Variants in HDAC9 observed in about 807,000 individuals in gnomAD.
HDAC9 encodes the protein histone deacetylase 9.
In HDAC9, 41 loss-of-function variants were observed where a neutral mutation model predicts 139.4. The observed-to-expected ratio is 0.29, with a 90% confidence interval of 0.23 to 0.38. The LOEUF (loss-of-function observed/expected upper bound fraction) is 0.38, where lower values mean the gene tolerates loss of function less well. Ranked by LOEUF, HDAC9 falls within the 10% of genes least tolerant of loss-of-function variation. The probability of loss-of-function intolerance (pLI) is 1.00; values close to 1 mark genes in which losing one functional copy is unlikely to be tolerated. For missense variants in HDAC9, 1,147 were observed against 1,297.0 expected, an observed-to-expected ratio of 0.88 and a Z score of 1.78; for synonymous variants, 517 against 476.2, an observed-to-expected ratio of 1.09 and a Z score of -1.12.
rs1234403268 is a variant in HDAC9, at chr7:18,784,047, G to A, written c.2215-9298G>A. 4.6e-5 allele frequency among the ~76,000 whole-genome samples: 7 copies of A among 151,742 alleles called. No homozygotes were observed. In the South Asian group the frequency reaches 8.3e-4, roughly 18 times the overall value. Reference sequence around the variant, plus strand: ...TGTCTATGTCCCCATTGTGGCTTTCGGTGTCATTTGAACACGTGGCTACTT... The same window carrying A: ...TGTCTATGTCCCCATTGTGGCTTTCAGTGTCATTTGAACACGTGGCTACTT... On this transcript the variant is annotated intron_variant, in intron 16 of 25. Transcript: ENST00000686413.
chr7:18,846,815 A>G lies in HDAC9; in HGVS notation c.2684+10818A>G, dbSNP rs13228580. On this transcript the variant is annotated intron_variant, in intron 21 of 25. Transcript: ENST00000686413. ...CATTGGCTGACTAGAGGCTTTCTCA[A>G]ACAACCACACAAATGCACTGAATAG... is the stretch of plus-strand genomic sequence containing the variant. Among the ~76,000 whole-genome samples, 485 of 152,298 alleles carry G rather than the reference A, an allele frequency of 3.2e-3. 5 individuals are homozygous for G. The highest frequency in any genetic ancestry group is 5.1e-3 in the Non-Finnish European group (350 of 68,020).
intron 2 of HDAC9, among the ~76,000 whole-genome samples, chr7:18,518,951 C>G (rs528135391): frequency 1.6e-4 from 24 of 152,056 alleles, no homozygotes; most frequent in Non-Finnish European, 3.4e-4. Flanking sequence ...GTCGTTTGCC[C>G]CTTGAAGCTA....
intron 21 of HDAC9, among the ~76,000 whole-genome samples, chr7:18,859,852 A>ATGTGTGTGTGTGTGTGTGTGTG (rs1411117103): frequency 8.0e-6 from 1 of 124,720 alleles, no homozygotes; most frequent in Non-Finnish European, 1.7e-5. Flanking sequence ...ATATATATAT[A>ATGTGTGTGTGTGTGTGTGTGTG]TATATATGTG....
chr7:18,131,409 T>C (rs921216848), intron 1 of HDAC9, among the ~76,000 whole-genome samples: 2 of 152,188 alleles, frequency 1.3e-5, no homozygotes, highest in African/African-American at 4.8e-5. Context: ...AAAGAACGAG[T>C]TTAGTAGCAC....
intron 1 of HDAC9, among the ~76,000 whole-genome samples, chr7:18,133,177 C>T (rs890916446): frequency 1.1e-4 from 16 of 152,110 alleles, no homozygotes; most frequent in African/African-American, 3.6e-4. Flanking sequence ...CACAAAAACA[C>T]AGAAATATGA....
intron 1 of HDAC9, among the ~76,000 whole-genome samples, chr7:18,342,466 G>A (rs1782090159): frequency 1.3e-5 from 2 of 151,754 alleles, no homozygotes; most frequent in South Asian, 4.1e-4. Flanking sequence ...AATTATTTCA[G>A]GTGGGATAGT....
intron 16 of HDAC9, among the ~76,000 whole-genome samples, chr7:18,784,421 C>T (rs2129172783): frequency 6.6e-6 from 1 of 151,764 alleles, no homozygotes; most frequent in East Asian, 1.9e-4. Flanking sequence ...TTAATTTATT[C>T]CTGATTCAAA....
At chr7:18,298,309 A>G (rs1442624552) in intron 1 of HDAC9, among the ~76,000 whole-genome samples, 1 of 150,564 alleles carries the variant, frequency 6.6e-6, no homozygotes, top group South Asian at 2.1e-4. Context: ...ATTATACTTT[A>G]AGTTTTAGGG....
intron 22 of HDAC9, among the ~76,000 whole-genome samples, chr7:18,877,744 C>G (rs1393228357): frequency 1.3e-5 from 2 of 152,020 alleles, no homozygotes; most frequent in Non-Finnish European, 2.9e-5. Context: ...GTGTAATCAC[C>G]AATATCTCAG....
intron 2 of HDAC9, among the ~76,000 whole-genome samples, chr7:18,273,381 A>G (rs1308506835): frequency 2.0e-5 from 3 of 152,016 alleles, no homozygotes; most frequent in Non-Finnish European, 4.4e-5. Flanking sequence ...GACTTCTTAT[A>G]AAGCCATAAG....
intron 16 of HDAC9, among the ~76,000 whole-genome samples, chr7:18,789,183 C>T (rs1350112319): frequency 6.6e-6 from 1 of 151,830 alleles, no homozygotes; most frequent in African/African-American, 2.4e-5. Flanking sequence ...GAAGCAAAAT[C>T]CTGTTTTGGT....
chr7:18,802,800 G>A (rs1348711010), intron 17 of HDAC9, among the ~76,000 whole-genome samples: 1 of 151,258 alleles, frequency 6.6e-6, no homozygotes, highest in Non-Finnish European at 1.5e-5. Context: ...TATTAATATA[G>A]CAAAAACAGC....
At position 18,738,242 on chromosome 7, in the gene HDAC9, G is replaced by A. The variant is rs555232724; in HGVS notation, c.1909+10485G>A. On this transcript the variant is annotated intron_variant, in intron 13 of 25. Coordinates refer to ENST00000686413, the MANE Select transcript of HDAC9 (RefSeq NM_178425.4). ...TGCCAGTCTGTGTCTTTTAATTGGGGCAGTTAGCCCATTTAAATTTAAGGT... is the reference window on the plus strand; with the variant it reads ...TGCCAGTCTGTGTCTTTTAATTGGGACAGTTAGCCCATTTAAATTTAAGGT... Among the ~76,000 whole-genome samples the A allele has an allele frequency of 3.3e-5, 5 of 152,222 alleles. No individual in the cohort carries two copies. The East Asian group carries it at 7.7e-4, about 24-fold the overall frequency.
intron 6 of HDAC9, among the ~76,000 whole-genome samples, 176 bp downstream of exon 6, chr7:18,594,205 G>C (rs1195315128): frequency 6.6e-6 from 1 of 151,954 alleles, no homozygotes; most frequent in Non-Finnish European, 1.5e-5. Context: ...TTCTGCATCA[G>C]TTGATTCATG....
At chr7:18,442,093 T>G (rs1230904908) in intron 1 of HDAC9, among the ~76,000 whole-genome samples, 1 of 152,010 alleles carries the variant, frequency 6.6e-6, no homozygotes, top group Non-Finnish European at 1.5e-5. Context: ...TTAGAAGAGA[T>G]ACAGTGACAT....
intron 21 of HDAC9, among the ~76,000 whole-genome samples, chr7:18,872,242 ATATATAG>A (rs1443286616): frequency 6.6e-6 from 1 of 152,138 alleles, no homozygotes; most frequent in Non-Finnish European, 1.5e-5. Flanking sequence ...ATGAGTTCAG[ATATATAG>A]GATTAGGCCT....
intron 1 of HDAC9, among the ~76,000 whole-genome samples, chr7:18,093,335 C>A (rs1257268362): frequency 6.6e-6 from 1 of 152,150 alleles, no homozygotes. Context: ...ACATCCCATA[C>A]TCACAAGCAG....
intron 23 of HDAC9, chr7:18,948,985 G>T: frequency 2.6e-6 from 1 of 390,406 alleles, no homozygotes; most frequent in South Asian, 2.2e-5. Context: ...TGATGAAATT[G>T]GTTTCCAATT....
intron 2 of HDAC9, among the ~76,000 whole-genome samples, chr7:18,543,886 GAAA>G (rs111903866): frequency 8.4e-6 from 1 of 118,902 alleles, no homozygotes; most frequent in Admixed American, 8.8e-5. Flanking sequence ...TGTATTTTAG[GAAA>G]AAAAAAAAAA....
Sources: allele counts gnomAD v4.1 joint callset (sites outside exome capture counted in the v4.1 genomes callset), GRCh38; gene constraint gnomAD v4.1.1; transcripts MANE v1.5; gene names NCBI Gene and HGNC (gene_info 2026-07-23, HGNC 2026-07-21).